EYS: variants seen among roughly 807,000 people sequenced by gnomAD.
EYS encodes the protein protein eyes shut homolog.
Under a neutral mutation model 282.1 loss-of-function variants are expected in EYS, and 250 were observed. That is an observed-to-expected ratio of 0.89 (90% CI 0.80 to 0.98). The LOEUF (loss-of-function observed/expected upper bound fraction) is 0.98, where lower values mean the gene tolerates loss of function less well. Ranked by LOEUF, EYS falls within the 50% of genes least tolerant of loss-of-function variation. The pLI is 0.00. For missense variants in EYS, 4,016 were observed against 3,709.0 expected, an observed-to-expected ratio of 1.08 and a Z score of -2.15; for synonymous variants, 1,355 against 1,282.9, an observed-to-expected ratio of 1.06 and a Z score of -1.20.
chr6:63,861,345 T>C (rs1772525691), intron 36 of EYS, among the ~76,000 whole-genome samples: 1 of 152,332 alleles, frequency 6.6e-6, no homozygotes, highest in African/African-American at 2.4e-5. Context: ...TCCACTTATC[T>C]ACATCCCCAC....
chr6:64,016,516 G>A (rs1468233898), intron 33 of EYS, among the ~76,000 whole-genome samples: 1 of 148,404 alleles, frequency 6.7e-6, no homozygotes, highest in South Asian at 2.1e-4. Context: ...TTGAGACAGG[G>A]TCTTGCTCCG....
chr6:64,511,344 A>G (rs1777397201), intron 26 of EYS, among the ~76,000 whole-genome samples: 2 of 140,662 alleles, frequency 1.4e-5, no homozygotes, highest in African/African-American at 3.2e-5. Flanking sequence ...GGAATTCTTC[A>G]TATTAAAAAT....
chr6:65,273,839 C>T (rs1767970124), intron 12 of EYS, among the ~76,000 whole-genome samples: 1 of 152,180 alleles, frequency 6.6e-6, no homozygotes, highest in Non-Finnish European at 1.5e-5. Context: ...TGCGAATCCA[C>T]TGAGCCAGTG....
chr6:63,913,210 A>C (rs1166244547), intron 35 of EYS, among the ~76,000 whole-genome samples: 1 of 152,206 alleles, frequency 6.6e-6, no homozygotes, highest in East Asian at 1.9e-4. Flanking sequence ...AATTCTTGCA[A>C]ACACTGGAGA....
At chr6:64,314,787 A>C (rs7774532) in intron 29 of EYS, among the ~76,000 whole-genome samples, 4,730 of 152,258 alleles carry the variant, frequency 0.031, 231 homozygotes, top group African/African-American at 0.11. Flanking sequence ...TGTAGAGGGA[A>C]ATTTATAGCA....
chr6:65,317,740 A>G (rs997442754), intron 11 of EYS, among the ~76,000 whole-genome samples: 26 of 151,408 alleles, frequency 1.7e-4, no homozygotes, highest in Non-Finnish European at 3.7e-4. Context: ...GACAGAGCTC[A>G]ATTCCTTGCT....
intron 26 of EYS, among the ~76,000 whole-genome samples, chr6:64,480,496 G>C (rs1017831376): frequency 3.3e-5 from 5 of 151,778 alleles, no homozygotes; most frequent in African/African-American, 1.2e-4. Context: ...GTTAATCTTT[G>C]TGCGATGTTA....
At chr6:64,513,471 C>A (rs1777468590) in intron 26 of EYS, among the ~76,000 whole-genome samples, 1 of 151,850 alleles carries the variant, frequency 6.6e-6, no homozygotes, top group South Asian at 2.1e-4. Context: ...GACCTATAAA[C>A]TTGTAGTATC....
chr6:65,368,196 C>A (rs1418679818), intron 8 of EYS, among the ~76,000 whole-genome samples: 4 of 151,582 alleles, frequency 2.6e-5, no homozygotes, highest in African/African-American at 9.7e-5. Context: ...CCCCATGATT[C>A]AATTACCTCC....
At chr6:63,800,541 C>A (rs1187904092) in intron 37 of EYS, among the ~76,000 whole-genome samples, 1 of 152,160 alleles carries the variant, frequency 6.6e-6, no homozygotes, top group Non-Finnish European at 1.5e-5. Context: ...GTGGCTCACG[C>A]CTGTAATCCC....
At chr6:63,849,440 C>T (rs917914809) in intron 36 of EYS, among the ~76,000 whole-genome samples, 11 of 152,194 alleles carry the variant, frequency 7.2e-5, no homozygotes, top group Non-Finnish European at 1.6e-4. Flanking sequence ...CAGGAGAGCA[C>T]TGGCTGGCAT....
chr6:64,799,600 T>A (rs117164067), intron 22 of EYS, among the ~76,000 whole-genome samples: 2 of 150,992 alleles, frequency 1.3e-5, no homozygotes, highest in Admixed American at 6.6e-5. Flanking sequence ...GTAGAGTGAC[T>A]AGGCCATATC....
At chr6:64,016,528 C>T (rs1428471487) in intron 33 of EYS, among the ~76,000 whole-genome samples, 2 of 149,030 alleles carry the variant, frequency 1.3e-5, no homozygotes, top group African/African-American at 4.9e-5. Flanking sequence ...CTTGCTCCGT[C>T]ACCCAGGCTG....
intron 22 of EYS, among the ~76,000 whole-genome samples, chr6:64,678,236 A>G (rs1340741830): frequency 6.6e-6 from 1 of 151,892 alleles, no homozygotes; most frequent in Non-Finnish European, 1.5e-5. Flanking sequence ...ACTATTTTTG[A>G]TACTCAAAAG....
chr6:64,269,831 A>G (rs1159745497), intron 30 of EYS, among the ~76,000 whole-genome samples: 1 of 151,966 alleles, frequency 6.6e-6, no homozygotes, highest in Non-Finnish European at 1.5e-5. Flanking sequence ...AATACATTCA[A>G]AAGTATATAT....
At chr6:65,145,715 T>A (rs1468026216) in intron 12 of EYS, among the ~76,000 whole-genome samples, 1 of 152,016 alleles carries the variant, frequency 6.6e-6, no homozygotes, top group Non-Finnish European at 1.5e-5. Flanking sequence ...CACAGTTTGA[T>A]CCTAAGATAT....
chr6:63,971,738 G>A (rs1341857734), intron 35 of EYS, among the ~76,000 whole-genome samples: 2 of 152,144 alleles, frequency 1.3e-5, no homozygotes, highest in Admixed American at 1.3e-4. Context: ...CACCACATAG[G>A]TCTAACAGCC....
chr6:64,207,806 T>C (rs1487860415), intron 31 of EYS, among the ~76,000 whole-genome samples: 1 of 152,064 alleles, frequency 6.6e-6, no homozygotes, highest in Non-Finnish European at 1.5e-5. Context: ...TACAGGCATG[T>C]GCCACCACAC....
chr6:64,935,545 CA>C (rs944738175), intron 15 of EYS, among the ~76,000 whole-genome samples: 1 of 151,112 alleles, frequency 6.6e-6, no homozygotes, highest in Non-Finnish European at 1.5e-5. Context: ...TGGTACTTTC[CA>C]AAACTGAAAA....
Sources: gnomAD v4.1 joint callset for allele counts (sites outside exome capture counted in the v4.1 genomes callset) on GRCh38, gnomAD v4.1.1 for gene constraint, MANE v1.5 for transcripts, NCBI Gene and HGNC (gene_info 2026-07-23, HGNC 2026-07-21) for gene names.